Variants in HMCN2 observed in about 807,000 individuals in gnomAD.
The protein encoded by HMCN2 is hemicentin-2.
A neutral mutation model predicts 377.5 loss-of-function variants in HMCN2; 325 were observed. The ratio of observed to expected loss-of-function variants is 0.86; its 90% CI spans 0.79 to 0.94. The LOEUF is 0.94. HMCN2 is among the 40% of genes least tolerant of loss of function. The pLI is 0.00. For missense variants in HMCN2, 4,543 were observed against 4,725.3 expected (o/e 0.96, Z 1.13); for synonymous variants, 2,007 against 2,046.8 (o/e 0.98, Z 0.53).
In HMCN2 at chr9:130,268,921, C is replaced by T. The variant is rs777715247; in HGVS notation, c.259+2784C>T. ...CCTTCTATGGGCTGTGAACAGCCAC[C>T]GAGGGCTTCTGAGCAGCAGTTTGGA... On this transcript the variant is annotated intron_variant, in intron 1 of 97. Coordinates refer to ENST00000683500, the MANE Select transcript of HMCN2 (RefSeq NM_001291815.2). Among the ~76,000 whole-genome samples the T allele has an allele frequency of 5.4e-5, 8 of 148,860 alleles. 1 individual carries two copies. The highest frequency in any genetic ancestry group is 1.1e-4 in the Non-Finnish European group (7 of 66,276).
rs782189892 is a variant in HMCN2 at position 130,266,069 on chromosome 9, T to A, written c.191T>A (p.Leu64Gln). Residue 64 changes from leucine to glutamine, a missense_variant, in exon 1 of 98, where the codon CTG becomes CAG. Around this residue, in one of 5 missense-constraint regions of HMCN2, gnomAD observed 547 missense variants for 189.9 expected, o/e 2.88. Transcript: ENST00000683500. Reference sequence around the variant, plus strand: ...GTGATCGATGGCGCCTCGCGCATTCTGGAACGCAGTCTGAGCCGCCGCAGC... The same window carrying A: ...GTGATCGATGGCGCCTCGCGCATTCAGGAACGCAGTCTGAGCCGCCGCAGC... The part of the protein sequence containing the change: ...MQVIDGASRI[L>Q]ERSLSRRSQA... 4.2e-6 allele frequency: 2 copies of A among 470,722 alleles called. No homozygotes were observed. Among genetic ancestry groups the A allele is most frequent in the South Asian group, 1.5e-5 (1 of 64,572 alleles). The allele number at this position is 470,722 out of a possible 1,614,324, so 29.2% of individuals were successfully genotyped here.
intron 8 of HMCN2, among the ~76,000 whole-genome samples, chr9:130,299,777 A>G (rs1836389252): frequency 6.8e-6 from 1 of 146,166 alleles, no homozygotes; most frequent in Non-Finnish European, 1.5e-5. Flanking sequence ...CCATCTACCC[A>G]CCCATTCATC....
Position 130,304,728 on chromosome 9 carries a change from A to C in HMCN2, c.1544-2A>C. On this transcript the variant is annotated splice_acceptor_variant, in intron 10 of 97. Transcript: ENST00000683500. LOFTEE classifies it high-confidence loss of function. This position sits in a 1 kb window ranked among gnomAD's most constrained non-coding sequence, Gnocchi z 4.3. ...GTTCCTCCTGTGCTCATGTCCCTGC[A>C]GACCCCCCGCCGCAGCTGGTCCCTG... The C allele has an allele frequency of 4.3e-6, 2 of 461,504 alleles. No individual in the cohort carries two copies. Among genetic ancestry groups the C allele is most frequent in the Non-Finnish European group, 4.5e-6 (1 of 220,288 alleles). 28.6% of individuals were successfully genotyped at this position (461,504 alleles called of 1,614,324 possible). A position where few individuals can be genotyped will look rare whatever the true frequency, so the allele number is the denominator to read the frequency against.
chr9:130,324,785 G>A (rs1003805032), intron 19 of HMCN2, among the ~76,000 whole-genome samples: 1 of 151,812 alleles, frequency 6.6e-6, no homozygotes, highest in Non-Finnish European at 1.5e-5. Context: ...CCACTGTACC[G>A]GTCTAATTTT....
chr9:130,321,713 T>A (rs1232071798), intron 18 of HMCN2, 74 bp from the exon 19 acceptor site: 1 of 152,202 alleles, frequency 6.6e-6, no homozygotes, highest in Non-Finnish European at 1.5e-5. Flanking sequence ...AGCAGCATAG[T>A]TTCCCGAGGG....
intron 85 of HMCN2, among the ~76,000 whole-genome samples, chr9:130,418,389 C>T (rs923696843): frequency 6.6e-6 from 1 of 152,040 alleles, no homozygotes; most frequent in Non-Finnish European, 1.5e-5. Context: ...GACGAAACCC[C>T]ATCTCTACTA....
intron 62 of HMCN2, among the ~76,000 whole-genome samples, chr9:130,389,384 C>T (rs180696394): frequency 2.0e-5 from 3 of 152,190 alleles, no homozygotes; most frequent in Non-Finnish European, 2.9e-5. Flanking sequence ...AGCAATCACT[C>T]CCCGTTTTCT....
intron 4 of HMCN2, among the ~76,000 whole-genome samples, chr9:130,289,979 C>T (rs373069578): frequency 2.6e-5 from 4 of 152,178 alleles, no homozygotes; most frequent in Non-Finnish European, 4.4e-5. Context: ...GGAGGATCCT[C>T]GGGGATGATT....
At chr9:130,412,599 C>G (rs1389354697) in intron 85 of HMCN2, among the ~76,000 whole-genome samples, 6 of 112,650 alleles carry the variant, frequency 5.3e-5, no homozygotes, top group Non-Finnish European at 1.0e-4. Context: ...ATTTTTGGGA[C>G]AGAGTCTCAC....
chr9:130,322,220 C>T (rs1837888060), intron 19 of HMCN2, among the ~76,000 whole-genome samples: 1 of 152,148 alleles, frequency 6.6e-6, no homozygotes, highest in East Asian at 1.9e-4. Context: ...TATATATACA[C>T]TATGTATACA....
intron 1 of HMCN2, among the ~76,000 whole-genome samples, chr9:130,278,905 T>C (rs1248761061): frequency 6.7e-6 from 1 of 150,272 alleles, no homozygotes; most frequent in Non-Finnish European, 1.5e-5. Flanking sequence ...CTTTTTCTTT[T>C]TTTTTTTTTT....
chr9:130,338,350 G>A (rs1301772639), intron 23 of HMCN2: 16 of 152,386 alleles, frequency 1.0e-4, no homozygotes, highest in Admixed American at 1.0e-3. Context: ...CCATGAAGGT[G>A]GGTCTGAGAG....
chr9:130,377,595 C>T (rs1438200524), intron 52 of HMCN2, 54 bp from the exon 53 acceptor site: 7 of 943,508 alleles, frequency 7.4e-6, no homozygotes, highest in African/African-American at 1.8e-5. Context: ...TCTTGCTGCT[C>T]GTGGCCCCTC....
chr9:130,344,272 TGTA>T (rs1839220874), intron 25 of HMCN2, among the ~76,000 whole-genome samples: 1 of 151,934 alleles, frequency 6.6e-6, no homozygotes, highest in African/African-American at 2.4e-5. Flanking sequence ...TGTGCGAATG[TGTA>T]GTGTGTGTAT....
chr9:130,337,177 C>T (rs1838798703), intron 22 of HMCN2, among the ~76,000 whole-genome samples: 1 of 152,166 alleles, frequency 6.6e-6, no homozygotes, highest in Non-Finnish European at 1.5e-5. Flanking sequence ...GGGGTCCAGC[C>T]CAGCTGCAGG....
intron 15 of HMCN2, 100 bp from the exon 16 acceptor site, chr9:130,319,395 G>A (rs1255407958): frequency 2.0e-5 from 3 of 152,336 alleles, no homozygotes; most frequent in Non-Finnish European, 4.4e-5. Flanking sequence ...AGGTTCACAA[G>A]GGCAATAGTA....
chr9:130,384,710 A>G lies in HMCN2; in HGVS notation c.9018A>G (p.Arg3006=), dbSNP rs1841921361. 1.5e-6 allele frequency: 2 copies of G among 1,302,354 alleles called. No homozygotes were observed. The allele number at this position is 1,302,354 out of a possible 1,614,324, so 80.7% of individuals were successfully genotyped here. A position where few individuals can be genotyped will look rare whatever the true frequency, so the allele number is the denominator to read the frequency against. ...LPGTHTLQLG[R]ARLSDSGMYT... ...GCACCCACACGCTGCAGCTGGGGAG[A>G]GCACGGCTGTCGGACTCCGGGATGT... is the stretch of plus-strand genomic sequence containing the variant. The change falls in exon 59 of 98, where the codon AGA becomes AGG. Residue 3006 remains arginine (R), a synonymous_variant. Coordinates refer to ENST00000683500, the MANE Select transcript of HMCN2 (RefSeq NM_001291815.2).
chr9:130,297,797 G>T (rs147840319), intron 7 of HMCN2, among the ~76,000 whole-genome samples: 1 of 152,320 alleles, frequency 6.6e-6, no homozygotes, highest in East Asian at 1.9e-4. Flanking sequence ...AAGGGAAGAA[G>T]CAGGGAAACT....
intron 86 of HMCN2, among the ~76,000 whole-genome samples, chr9:130,421,320 T>TTG (rs768416085): frequency 6.6e-6 from 1 of 152,194 alleles, no homozygotes; most frequent in Non-Finnish European, 1.5e-5. Flanking sequence ...CTGCGTATCT[T>TTG]TGTGTGTGGC....
Sources: gnomAD v4.1 joint callset for allele counts (sites outside exome capture counted in the v4.1 genomes callset) on GRCh38, gnomAD v4.1.1 for gene constraint, gnomAD v4.1.1 regional missense constraint, Gnocchi (gnomAD v3.1) non-coding constraint, MANE v1.5 for transcripts, NCBI Gene and HGNC (gene_info 2026-07-23, HGNC 2026-07-21) for gene names.